Variants in COG5 observed in about 807,000 individuals in gnomAD.
COG5 encodes conserved oligomeric Golgi complex subunit 5.
A neutral mutation model predicts 110.4 loss-of-function variants in COG5; 86 were observed. That is an observed-to-expected ratio of 0.78 (90% CI 0.65 to 0.93). The LOEUF (loss-of-function observed/expected upper bound fraction) is 0.93, where lower values mean the gene tolerates loss of function less well. Among genes scored for constraint, COG5 ranks in the 40% least tolerant of loss-of-function variants. The pLI, the probability that COG5 is intolerant of heterozygous loss-of-function variation, is 0.00. For synonymous variants in COG5, 360 were observed against 334.6 expected, an observed-to-expected ratio of 1.08 and a Z score of -0.83; for missense variants, 1,077 against 987.0, an observed-to-expected ratio of 1.09 and a Z score of -1.22.
intron 6 of COG5, among the ~76,000 whole-genome samples, chr7:107,506,177 T>C (rs1563071766): frequency 6.6e-6 from 1 of 152,218 alleles, no homozygotes; most frequent in Non-Finnish European, 1.5e-5. Flanking sequence ...TGCAGTATTA[T>C]TCTACCTGGA....
At chr7:107,526,536 T>C (rs1337466032) in intron 6 of COG5, among the ~76,000 whole-genome samples, 5 of 152,248 alleles carry the variant, frequency 3.3e-5, no homozygotes, top group Admixed American at 2.6e-4. Flanking sequence ...GGATTTGTCA[T>C]GTTAAAAACA....
At chr7:107,381,325 T>G (rs1815100267) in intron 7 of COG5, among the ~76,000 whole-genome samples, 1 of 152,206 alleles carries the variant, frequency 6.6e-6, no homozygotes, top group African/African-American at 2.4e-5. Context: ...GTAAACAGAA[T>G]TATTTGACAT....
intron 10 of COG5, among the ~76,000 whole-genome samples, chr7:107,345,256 T>C (rs1189685403): frequency 6.6e-6 from 1 of 152,088 alleles, no homozygotes; most frequent in East Asian, 1.9e-4. Context: ...ACTGATCACC[T>C]TAACAGATAA....
intron 11 of COG5, among the ~76,000 whole-genome samples, chr7:107,316,322 A>G (rs560571244): frequency 2.2e-4 from 34 of 152,304 alleles, no homozygotes; most frequent in African/African-American, 7.9e-4. Flanking sequence ...AGAAATAAAC[A>G]GAGTAGGTCT....
chr7:107,338,256 G>A (rs1452192979), intron 10 of COG5, among the ~76,000 whole-genome samples: 1 of 151,968 alleles, frequency 6.6e-6, no homozygotes, highest in Non-Finnish European at 1.5e-5. Context: ...ATATTACAAA[G>A]CTTCCATAAT....
At chr7:107,220,992 T>A (rs1227572474) in intron 19 of COG5, among the ~76,000 whole-genome samples, 3 of 151,860 alleles carry the variant, frequency 2.0e-5, no homozygotes, top group African/African-American at 7.3e-5. Context: ...ATTTTTGTAT[T>A]TTTAGTAGAG....
At chr7:107,291,388 T>C (rs1806159000) in intron 12 of COG5, among the ~76,000 whole-genome samples, 1 of 152,178 alleles carries the variant, frequency 6.6e-6, no homozygotes, top group African/African-American at 2.4e-5. Flanking sequence ...AACTGGGCAT[T>C]TTAGATACAT....
At chr7:107,240,738 C>CAT (rs982186253) in intron 17 of COG5, among the ~76,000 whole-genome samples, 5 of 152,080 alleles carry the variant, frequency 3.3e-5, no homozygotes, top group African/African-American at 1.2e-4. Flanking sequence ...TCACATAAGC[C>CAT]ATATATATAT....
intron 7 of COG5, among the ~76,000 whole-genome samples, chr7:107,399,437 T>G (rs1383388892): frequency 6.6e-6 from 1 of 152,102 alleles, no homozygotes; most frequent in Non-Finnish European, 1.5e-5. Flanking sequence ...CTTGCTGTTC[T>G]CATGATAGTG....
rs752334970 is a variant in COG5 at position 107,324,533 on chromosome 7, A to C, written c.1027-12T>G. 329 of 1,563,366 alleles carry C rather than the reference A, an allele frequency of 2.1e-4. No homozygotes were observed. Among genetic ancestry groups the C allele is most frequent in the Non-Finnish European group, 2.7e-4 (306 of 1,143,102 alleles). The stretch of plus-strand genomic sequence containing the variant: ...TCCGGTTGTCCATCCTGTGAAGAAC[A>C]AACAAAAATTTTTTAAAAATAAAAA... On this transcript the variant is annotated splice_polypyrimidine_tract_variant and intron_variant, in intron 10 of 21. Transcript: ENST00000297135.
chr7:107,394,541 G>T (rs1790850979), intron 7 of COG5, among the ~76,000 whole-genome samples: 1 of 152,174 alleles, frequency 6.6e-6, no homozygotes, highest in Non-Finnish European at 1.5e-5. Flanking sequence ...CAAAGCAACT[G>T]CTGGCATAGC....
At chr7:107,322,303 G>A (rs542513781) in intron 11 of COG5, among the ~76,000 whole-genome samples, 2 of 152,270 alleles carry the variant, frequency 1.3e-5, no homozygotes, top group South Asian at 2.1e-4. Flanking sequence ...TTTCTAACAC[G>A]TGAGGACACA....
In COG5 at chr7:107,263,725, TA is replaced by T. The variant is rs529002483; in HGVS notation, c.1576-5343del. 1.1e-3 allele frequency among the ~76,000 whole-genome samples: 169 copies of T among 152,368 alleles called. 2 individuals are homozygous for T. The highest frequency in any genetic ancestry group is 3.7e-3 in the African/African-American group (155 of 41,596). On this transcript the variant is annotated intron_variant, in intron 14 of 21. Transcript: ENST00000297135. Reference sequence around the variant, plus strand: ...TGAACAAAATATTCTTCAGAAATTCTAATTCTGTACATCTGCTCATTAGGAA... The same window carrying T: ...TGAACAAAATATTCTTCAGAAATTCTATTCTGTACATCTGCTCATTAGGAA...
intron 6 of COG5, among the ~76,000 whole-genome samples, chr7:107,507,463 T>A (rs1799107900): frequency 7.4e-6 from 1 of 134,590 alleles, no homozygotes; most frequent in African/African-American, 2.9e-5. Context: ...CCAGCTAATT[T>A]TTTGTATTTT....
chr7:107,363,726 G>A (rs1813341767), intron 8 of COG5, among the ~76,000 whole-genome samples: 1 of 152,138 alleles, frequency 6.6e-6, no homozygotes, highest in Non-Finnish European at 1.5e-5. Context: ...AGAGGCCAAG[G>A]TGGACGGATC....
intron 6 of COG5, among the ~76,000 whole-genome samples, chr7:107,498,486 G>A (rs1282012635): frequency 6.6e-6 from 1 of 152,016 alleles, no homozygotes; most frequent in Admixed American, 6.6e-5. Context: ...TTTCTCCAAA[G>A]AATACATACA....
chr7:107,303,440 T>G (rs28655763), intron 11 of COG5, among the ~76,000 whole-genome samples: 4 of 152,096 alleles, frequency 2.6e-5, no homozygotes, highest in Non-Finnish European at 4.4e-5. Context: ...TTGTTTTTTG[T>G]TTTTAGAGAC....
chr7:107,203,061 A>G lies in COG5; in HGVS notation c.*455T>C, dbSNP rs1206087794. 6.0e-6 allele frequency: 1 copy of G among 166,004 alleles called. No homozygotes were observed. Among genetic ancestry groups the G allele is most frequent in the Non-Finnish European group, 1.3e-5 (1 of 75,790 alleles). The allele number at this position is 166,004 out of a possible 1,614,324, so 10.3% of individuals were successfully genotyped here. ...AGTGCAAGTTGGGCATCAGGATTTT[A>G]AAAAAATCCCCTGGTGATTGGTATG... On this transcript the variant is annotated 3_prime_UTR_variant, in exon 22 of 22. Coordinates refer to ENST00000297135, the MANE Select transcript of COG5 (RefSeq NM_006348.5).
chr7:107,291,143 T>C (rs544678559), intron 12 of COG5, among the ~76,000 whole-genome samples: 1 of 152,336 alleles, frequency 6.6e-6, no homozygotes, highest in South Asian at 2.1e-4. Context: ...TTCAAGTTTT[T>C]TTCTCCATTA....
Sources: gnomAD v4.1 joint callset for allele counts (sites outside exome capture counted in the v4.1 genomes callset) on GRCh38, gnomAD v4.1.1 for gene constraint, MANE v1.5 for transcripts, NCBI Gene and HGNC (gene_info 2026-07-23, HGNC 2026-07-21) for gene names.